Variants in GTF2F2 observed in about 807,000 individuals in gnomAD.
The protein encoded by GTF2F2 is general transcription factor IIF subunit 2, also known as ATP-dependent helicase GTF2F2.
In GTF2F2, 23 loss-of-function variants were observed where a neutral mutation model predicts 42.2. That is an observed-to-expected ratio of 0.55 (90% CI 0.39 to 0.77). GTF2F2 has a LOEUF of 0.77. GTF2F2 is among the 30% of genes least tolerant of loss of function. The pLI, the probability that GTF2F2 is intolerant of heterozygous loss-of-function variation, is 0.00. For synonymous variants in GTF2F2, 105 were observed against 100.8 expected (o/e 1.04, Z -0.25); for missense variants, 261 against 287.2 (o/e 0.91, Z 0.66).
chr13:45,274,847 G>T (rs1220678670), intron 7 of GTF2F2, among the ~76,000 whole-genome samples: 2 of 152,040 alleles, frequency 1.3e-5, no homozygotes, highest in Admixed American at 1.3e-4. Context: ...GGGAGGCAGA[G>T]GTTGTAGTGA....
Position 45,190,098 on chromosome 13 carries a change from A to G in GTF2F2, c.305-17326A>G, listed in dbSNP as rs1003780789. Among the ~76,000 whole-genome samples the G allele has an allele frequency of 1.2e-4, 19 of 152,284 alleles. 1 individual carries two copies. Among genetic ancestry groups the G allele is most frequent in the East Asian group, 7.7e-4 (4 of 5,182 alleles). ...GAATGGGAGAAAATTTTTGCAATCT[A>G]TCCATCTGACAAATGGCTGATACCC... On this transcript the variant is annotated intron_variant, in intron 4 of 7. Transcript: ENST00000340473.
At chr13:45,159,021 A>G (rs1016109048) in intron 4 of GTF2F2, among the ~76,000 whole-genome samples, 15 of 152,084 alleles carry the variant, frequency 9.9e-5, no homozygotes, top group Non-Finnish European at 1.5e-4. Flanking sequence ...TTTTTTGCTC[A>G]TTATATTTTG....
At chr13:45,121,043 C>T (rs1868604947) in intron 1 of GTF2F2, among the ~76,000 whole-genome samples, 1 of 152,318 alleles carries the variant, frequency 6.6e-6, no homozygotes, top group Admixed American at 6.5e-5. Flanking sequence ...TTCCTTGTAT[C>T]TTCCCTTGGT....
chr13:45,218,963 G>T (rs1245118388), intron 5 of GTF2F2, among the ~76,000 whole-genome samples: 1 of 152,076 alleles, frequency 6.6e-6, no homozygotes, highest in African/African-American at 2.4e-5. Flanking sequence ...AAGAAAACTT[G>T]AATTATTTAA....
intron 5 of GTF2F2, among the ~76,000 whole-genome samples, chr13:45,223,591 G>A (rs992501102): frequency 2.0e-5 from 3 of 151,992 alleles, no homozygotes; most frequent in East Asian, 1.9e-4. Flanking sequence ...TATCATTAAC[G>A]CATTTCAGTA....
intron 3 of GTF2F2, among the ~76,000 whole-genome samples, chr13:45,150,377 A>G (rs1870426701): frequency 6.6e-6 from 1 of 152,188 alleles, no homozygotes; most frequent in Non-Finnish European, 1.5e-5. Flanking sequence ...TGTTAAAACA[A>G]TCAAAAATAA....
At chr13:45,194,370 T>G in intron 4 of GTF2F2, 1 of 1,614,132 alleles carries the variant, frequency 6.2e-7, no homozygotes, top group Non-Finnish European at 8.5e-7. Flanking sequence ...GGCAGAGGAT[T>G]TTTCCATTTA....
intron 4 of GTF2F2, among the ~76,000 whole-genome samples, chr13:45,161,671 G>C (rs896143923): frequency 1.3e-5 from 2 of 152,082 alleles, no homozygotes; most frequent in African/African-American, 4.8e-5. Context: ...GTGAAACGCC[G>C]TCCCTACCAA....
chr13:45,256,119 G>A (rs191387221), intron 6 of GTF2F2, among the ~76,000 whole-genome samples: 2 of 152,204 alleles, frequency 1.3e-5, no homozygotes, highest in East Asian at 1.9e-4. Flanking sequence ...TAGGATCTAC[G>A]TGATTTTATC....
chr13:45,222,083 A>G (rs1593499498), intron 5 of GTF2F2, among the ~76,000 whole-genome samples: 1 of 152,128 alleles, frequency 6.6e-6, no homozygotes, highest in Non-Finnish European at 1.5e-5. Flanking sequence ...GTGCTATGAC[A>G]TTACTCAGGT....
intron 5 of GTF2F2, among the ~76,000 whole-genome samples, chr13:45,236,899 CGAG>C (rs1350817212): frequency 6.6e-6 from 1 of 151,850 alleles, no homozygotes; most frequent in Admixed American, 6.6e-5. Context: ...TTTAATATGA[CGAG>C]GAATATTGAG....
rs570368561 is a variant in GTF2F2, at chr13:45,130,230, C to T, written c.67-6503C>T. 7.9e-5 allele frequency among the ~76,000 whole-genome samples: 12 copies of T among 152,266 alleles called. No individual in the cohort carries two copies. In the East Asian group the frequency reaches 9.6e-4, roughly 12 times the overall value. On this transcript the variant is annotated intron_variant, in intron 1 of 7. Transcript: ENST00000340473. ...GCTTAGGTTAGAATCCTAGTTTCAC[C>T]GCTAGTGATTGTGAGACTTTGGGCA...
intron 5 of GTF2F2, among the ~76,000 whole-genome samples, chr13:45,217,811 A>G (rs1297414028): frequency 6.6e-6 from 1 of 152,172 alleles, no homozygotes; most frequent in East Asian, 1.9e-4. Context: ...TGAAGTATGG[A>G]AAGTTTGTCT....
intron 4 of GTF2F2, among the ~76,000 whole-genome samples, chr13:45,169,570 T>C (rs1019104407): frequency 1.3e-5 from 2 of 152,234 alleles, no homozygotes; most frequent in Non-Finnish European, 2.9e-5. Context: ...CTAAGAAGTC[T>C]AGTTGAGGAT....
intron 2 of GTF2F2, among the ~76,000 whole-genome samples, chr13:45,141,981 T>C (rs376783578): frequency 3.7e-4 from 56 of 152,364 alleles, no homozygotes; most frequent in African/African-American, 1.3e-3. Context: ...CTCTTGTATG[T>C]AGTTCTGAGG....
At chr13:45,124,757 G>A (rs1421941932) in intron 1 of GTF2F2, among the ~76,000 whole-genome samples, 1 of 151,994 alleles carries the variant, frequency 6.6e-6, no homozygotes, top group East Asian at 1.9e-4. Flanking sequence ...GTAGAGATGG[G>A]GTTTCACCAT....
At chr13:45,208,951 A>C (rs1248681471) in intron 5 of GTF2F2, among the ~76,000 whole-genome samples, 1 of 152,208 alleles carries the variant, frequency 6.6e-6, no homozygotes, top group Non-Finnish European at 1.5e-5. Flanking sequence ...TTATCTCTTC[A>C]TATAACTACT....
At chr13:45,149,910 AAC>A (rs1456358191) in intron 3 of GTF2F2, 122 bp downstream of exon 3, 1 of 928,154 alleles carries the variant, frequency 1.1e-6, no homozygotes, top group Non-Finnish European at 1.5e-6. Flanking sequence ...GATGGTTAAG[AAC>A]ACATAAAGGT....
chr13:45,256,840 T>C (rs1412059812), intron 6 of GTF2F2, among the ~76,000 whole-genome samples: 3 of 152,170 alleles, frequency 2.0e-5, no homozygotes, highest in African/African-American at 7.2e-5. Context: ...TTTGAAAGTC[T>C]TGCCAGATAA....
Sources: allele counts gnomAD v4.1 joint callset (sites outside exome capture counted in the v4.1 genomes callset), GRCh38; gene constraint gnomAD v4.1.1; transcripts MANE v1.5; gene names NCBI Gene and HGNC (gene_info 2026-07-23, HGNC 2026-07-21).